Variants in SLC4A10 observed in about 807,000 individuals in gnomAD.
SLC4A10 encodes solute carrier family 4 member 10.
A neutral mutation model predicts 137.7 loss-of-function variants in SLC4A10; 42 were observed. That is an observed-to-expected ratio of 0.30 (90% CI 0.24 to 0.39). The LOEUF is 0.39. SLC4A10 is among the 10% of genes least tolerant of loss of function. The pLI is 1.00. For synonymous variants in SLC4A10, 474 were observed against 464.1 expected (o/e 1.02, Z -0.27); for missense variants, 925 against 1,355.0 (o/e 0.68, Z 4.98).
intron 3 of SLC4A10, among the ~76,000 whole-genome samples, chr2:161,832,728 T>TTGTTG (rs1218369318): frequency 6.6e-6 from 1 of 150,626 alleles, no homozygotes; most frequent in Non-Finnish European, 1.5e-5. Flanking sequence ...TTTTTTGTTG[T>TTGTTG]TGTTGTTTTG....
intron 12 of SLC4A10, 196 bp downstream of exon 12, chr2:161,901,207 A>G (rs1047163310): frequency 1.9e-6 from 1 of 533,134 alleles, no homozygotes; most frequent in South Asian, 2.3e-5. Flanking sequence ...CAGTGGATAC[A>G]CCCTTCCATT....
At chr2:161,977,586 A>C in intron 25 of SLC4A10, 136 bp from the exon 26 acceptor site, 1 of 671,250 alleles carries the variant, frequency 1.5e-6, no homozygotes, top group Non-Finnish European at 2.5e-6. Flanking sequence ...TTCCTATGTT[A>C]TGCTAATATC....
chr2:161,849,642 G>A (rs1226169910), intron 4 of SLC4A10, among the ~76,000 whole-genome samples: 1 of 152,084 alleles, frequency 6.6e-6, no homozygotes, highest in Non-Finnish European at 1.5e-5. Flanking sequence ...AGCCTTTTCT[G>A]CATCTTCTGA....
At chr2:161,873,669 C>A in intron 7 of SLC4A10, 1 of 343,452 alleles carries the variant, frequency 2.9e-6, no homozygotes, top group East Asian at 5.0e-5. Context: ...TTTAATAAAG[C>A]CCTTAGCACT....
intron 15 of SLC4A10, among the ~76,000 whole-genome samples, chr2:161,923,377 G>A (rs1236597697): frequency 2.0e-5 from 3 of 152,044 alleles, no homozygotes; most frequent in Non-Finnish European, 4.4e-5. Flanking sequence ...ATGATTGTTG[G>A]ACTTTTCAGT....
At chr2:161,944,822 A>AT (rs1261800158) in intron 16 of SLC4A10, among the ~76,000 whole-genome samples, 1 of 151,582 alleles carries the variant, frequency 6.6e-6, no homozygotes, top group Non-Finnish European at 1.5e-5. Flanking sequence ...GTTATGCTGA[A>AT]TTTTTTCCTC....
intron 1 of SLC4A10, among the ~76,000 whole-genome samples, chr2:161,668,090 A>T (rs1029461325): frequency 6.6e-6 from 1 of 151,830 alleles, no homozygotes; most frequent in Non-Finnish European, 1.5e-5. Context: ...TGCAGTACTT[A>T]TATGTTAGTT....
rs572855248 is a variant in SLC4A10 at position 161,894,066 on chromosome 2, C to A, written c.1195-613C>A. Among the ~76,000 whole-genome samples the A allele has an allele frequency of 2.6e-5, 4 of 152,020 alleles. No individual in the cohort carries two copies. The South Asian group carries it at 6.2e-4, about 24-fold the overall frequency. ...GAAACCATAGAAAGTAGGGGATCCTCTAAATATAGGAGTATATGCATAGGT... is the reference window on the plus strand; with the variant it reads ...GAAACCATAGAAAGTAGGGGATCCTATAAATATAGGAGTATATGCATAGGT... On this transcript the variant is annotated intron_variant, in intron 10 of 26. Coordinates refer to ENST00000446997, the MANE Select transcript of SLC4A10 (RefSeq NM_001178015.2).
chr2:161,711,402 T>C (rs2044275129), intron 1 of SLC4A10, among the ~76,000 whole-genome samples: 1 of 151,832 alleles, frequency 6.6e-6, no homozygotes, highest in South Asian at 2.1e-4. Flanking sequence ...ACTAACTAGG[T>C]CATTTGGAGA....
intron 1 of SLC4A10, among the ~76,000 whole-genome samples, chr2:161,766,425 C>T (rs2050801958): frequency 6.6e-6 from 1 of 152,004 alleles, no homozygotes; most frequent in African/African-American, 2.4e-5. Flanking sequence ...CGTTTCACTG[C>T]TTAGGGGAAA....
chr2:161,886,441 T>C (rs919681542), intron 10 of SLC4A10, among the ~76,000 whole-genome samples: 1 of 152,158 alleles, frequency 6.6e-6, no homozygotes, highest in Non-Finnish European at 1.5e-5. Context: ...TTTGAAGGAG[T>C]AGTCTCTACT....
At position 161,900,925 on chromosome 2, in the gene SLC4A10, T is replaced by C; in HGVS notation, c.1356T>C (p.Ile452=). 1.3e-6 allele frequency: 2 copies of C among 1,550,626 alleles called. No homozygotes were observed. Among genetic ancestry groups the C allele is most frequent in the Non-Finnish European group, 1.7e-6 (2 of 1,148,094 alleles). The change falls in exon 12 of 27, where the codon ATT becomes ATC. Residue 452 remains isoleucine (I), a synonymous_variant. Transcript: ENST00000446997. Reference sequence around the variant, plus strand: ...ACTCTCCACAGGAGAAGAGGAAGATTCCTGCTGTACCAAATGGAACAGCAG... The same window carrying C: ...ACTCTCCACAGGAGAAGAGGAAGATCCCTGCTGTACCAAATGGAACAGCAG... The part of the protein sequence containing the change: ...KNVPSQEKRK[I]PAVPNGTAAH...
At chr2:161,727,921 C>T (rs2046403416) in intron 1 of SLC4A10, among the ~76,000 whole-genome samples, 1 of 152,118 alleles carries the variant, frequency 6.6e-6, no homozygotes, top group African/African-American at 2.4e-5. Context: ...AATAGTACCA[C>T]ACCAAGGGCA....
At chr2:161,681,439 G>T (rs2040837707) in intron 1 of SLC4A10, among the ~76,000 whole-genome samples, 1 of 152,128 alleles carries the variant, frequency 6.6e-6, no homozygotes, top group Non-Finnish European at 1.5e-5. Context: ...TGGCTAGTTA[G>T]TTCTAAGTCT....
At chr2:161,824,105 G>A (rs2057848374) in intron 3 of SLC4A10, among the ~76,000 whole-genome samples, 1 of 152,112 alleles carries the variant, frequency 6.6e-6, no homozygotes, top group Non-Finnish European at 1.5e-5. Context: ...TTTCAATGTT[G>A]GACAATGCCT....
intron 15 of SLC4A10, among the ~76,000 whole-genome samples, chr2:161,917,831 A>G (rs1394913620): frequency 2.0e-5 from 3 of 152,168 alleles, no homozygotes; most frequent in Non-Finnish European, 2.9e-5. Flanking sequence ...CACAGTGCCC[A>G]GATCAATTCC....
At chr2:161,816,585 C>A (rs1026240967) in intron 3 of SLC4A10, among the ~76,000 whole-genome samples, 3 of 151,420 alleles carry the variant, frequency 2.0e-5, no homozygotes, top group African/African-American at 7.3e-5. Context: ...CCCATTAACT[C>A]GTCATTTAGC....
intron 1 of SLC4A10, among the ~76,000 whole-genome samples, chr2:161,690,704 C>T (rs1466190515): frequency 2.0e-5 from 3 of 152,120 alleles, no homozygotes; most frequent in Admixed American, 6.6e-5. Context: ...AAACCAAACA[C>T]CACATGTTCT....
At chr2:161,818,501 C>G (rs2057322771) in intron 3 of SLC4A10, among the ~76,000 whole-genome samples, 1 of 152,178 alleles carries the variant, frequency 6.6e-6, no homozygotes, top group South Asian at 2.1e-4. Context: ...CTGGCCAGAA[C>G]TTCCAACACT....
Sources: gnomAD v4.1 joint callset for allele counts (sites outside exome capture counted in the v4.1 genomes callset) on GRCh38, gnomAD v4.1.1 for gene constraint, MANE v1.5 for transcripts, NCBI Gene and HGNC (gene_info 2026-07-23, HGNC 2026-07-21) for gene names.